Variants in NFRKB observed in about 807,000 individuals in gnomAD.
NFRKB encodes the protein nuclear factor related to kappaB binding protein.
A neutral mutation model predicts 135.7 loss-of-function variants in NFRKB; 62 were observed. The ratio of observed to expected loss-of-function variants is 0.46; its 90% CI spans 0.37 to 0.56. The LOEUF (loss-of-function observed/expected upper bound fraction) is 0.56. Ranked by LOEUF, NFRKB falls within the 20% of genes least tolerant of loss-of-function variation. The pLI is 0.00. For missense variants in NFRKB, 1,545 were observed against 1,662.0 expected (o/e 0.93, Z 1.22); for synonymous variants, 678 against 635.6 (o/e 1.07, Z -1.00).
intron 1 of NFRKB, among the ~76,000 whole-genome samples, chr11:129,895,238 G>A (rs1949719859): frequency 6.6e-6 from 1 of 152,150 alleles, no homozygotes; most frequent in Non-Finnish European, 1.5e-5. Context: ...CAACTCTGCA[G>A]CAAATTCCCC....
Position 129,888,664 on chromosome 11 carries a change from G to A in NFRKB, c.267C>T (p.Ile89=). The part of the protein sequence containing the change: ...EDSAEQQNEL[I]LALFSGENFR... ...AGTTCTCCCCACTGAACAAGGCTAA[G>A]ATGAGTTCATTCTGCTGCTCAGCAC... Residue 89 remains isoleucine (I), a synonymous_variant, in exon 4 of 27, where the codon ATC becomes ATT. Coordinates refer to ENST00000682444, the MANE Select transcript of NFRKB (RefSeq NM_001143835.2). 6.2e-7 allele frequency: 1 copy of A among 1,614,228 alleles called. No individual in the cohort carries two copies. The highest frequency in any genetic ancestry group is 1.3e-5 in the African/African-American group (1 of 75,070).
intron 23 of NFRKB, among the ~76,000 whole-genome samples, chr11:129,871,301 C>T (rs991789656): frequency 1.3e-5 from 2 of 152,148 alleles, no homozygotes; most frequent in African/African-American, 4.8e-5. Flanking sequence ...GTGGAACCCA[C>T]GAGTACAGAG....
intron 3 of NFRKB, among the ~76,000 whole-genome samples, chr11:129,889,812 T>G (rs1284366676): frequency 6.6e-6 from 1 of 151,292 alleles, no homozygotes; most frequent in Non-Finnish European, 1.5e-5. Flanking sequence ...AAAAAAAGAA[T>G]TAACACAAAA....
chr11:129,885,233 C>T (rs924822085), intron 6 of NFRKB, among the ~76,000 whole-genome samples: 1 of 152,190 alleles, frequency 6.6e-6, no homozygotes, highest in East Asian at 1.9e-4. Flanking sequence ...GTGAAAAAGG[C>T]CATGGAGTCA....
At chr11:129,879,674 C>G (rs1181821149) in intron 13 of NFRKB, among the ~76,000 whole-genome samples, 1 of 152,174 alleles carries the variant, frequency 6.6e-6, no homozygotes, top group Admixed American at 6.5e-5. Flanking sequence ...AACCCCTGCC[C>G]CCGCACTCTC....
intron 8 of NFRKB, among the ~76,000 whole-genome samples, 181 bp downstream of exon 8, chr11:129,883,889 C>A (rs1393533202): frequency 1.3e-5 from 2 of 152,156 alleles, no homozygotes; most frequent in Admixed American, 6.5e-5. Flanking sequence ...GCAGGCCCTG[C>A]GAAGTCAAAG....
chr11:129,893,138 A>T, intron 2 of NFRKB: 1 of 1,211,550 alleles, frequency 8.3e-7, no homozygotes, highest in Non-Finnish European at 1.1e-6. Flanking sequence ...CATTTTACAG[A>T]TGAGTAAAAT....
chr11:129,886,471 T>C lies in NFRKB; in HGVS notation c.338-27A>G, dbSNP rs1299244124. The stretch of plus-strand genomic sequence containing the variant: ...TTAAAAAAATAAAGGTATATATATT[T>C]ACATCAATCAACAAATATACATCAT... On this transcript the variant is annotated intron_variant, in intron 4 of 26. Coordinates refer to ENST00000682444, the MANE Select transcript of NFRKB (RefSeq NM_001143835.2). The C allele has an allele frequency of 2.5e-6, 4 of 1,605,876 alleles. No individual in the cohort carries two copies. The South Asian group carries it at 4.4e-5, about 18-fold the overall frequency.
At position 129,882,615 on chromosome 11, in the gene NFRKB, A is replaced by G; in HGVS notation, c.918T>C (p.Ala306=). 2 of 1,613,602 alleles carry G rather than the reference A, an allele frequency of 1.2e-6. No individual in the cohort carries two copies. The highest frequency in any genetic ancestry group is 1.7e-6 in the Non-Finnish European group (2 of 1,179,956). ...KGSLAALYDL[A]VLKKKVKEKE... ...TTTCCTTAACCTTTTTTTTAAGGAC[A>G]GCCAAGTCATATAAGGCTAGAAAGG... The change falls in exon 10 of 27, where the codon GCT becomes GCC. Residue 306 remains alanine, a synonymous_variant. Coordinates refer to ENST00000682444, the MANE Select transcript of NFRKB (RefSeq NM_001143835.2).
intron 24 of NFRKB, 69 bp downstream of exon 24, chr11:129,869,425 T>A (rs1948380985): frequency 1.0e-5 from 15 of 1,488,078 alleles, no homozygotes; most frequent in Non-Finnish European, 1.2e-5. Flanking sequence ...GTTTCTCGGG[T>A]AATGGGCAGT....
At chr11:129,869,241 G>C (rs1948371582) in intron 24 of NFRKB, among the ~76,000 whole-genome samples, 1 of 152,142 alleles carries the variant, frequency 6.6e-6, no homozygotes, top group South Asian at 2.1e-4. Flanking sequence ...ATGTATGCAA[G>C]TATCATACTT....
intron 24 of NFRKB, among the ~76,000 whole-genome samples, chr11:129,868,826 T>C (rs932600633): frequency 5.3e-5 from 8 of 152,120 alleles, no homozygotes; most frequent in African/African-American, 1.9e-4. Flanking sequence ...GTCAGGATTA[T>C]CGCGACCAGC....
At chr11:129,880,341 T>A (rs78365134) in intron 13 of NFRKB, among the ~76,000 whole-genome samples, 3,217 of 152,240 alleles carry the variant, frequency 0.021, 110 homozygotes, top group African/African-American at 0.074. Flanking sequence ...CCATTCTCCT[T>A]CATTCCCCAC....
chr11:129,885,356 G>C, intron 6 of NFRKB, 79 bp downstream of exon 6: 1 of 1,475,654 alleles, frequency 6.8e-7, no homozygotes. Flanking sequence ...GAGATAAATG[G>C]CTACCACTGG....
In NFRKB at chr11:129,870,269, G is replaced by A. The variant is rs1348939452; in HGVS notation, c.2764-8C>T. On this transcript the variant is annotated splice_region_variant and splice_polypyrimidine_tract_variant and intron_variant, in intron 23 of 26. Coordinates refer to ENST00000682444, the MANE Select transcript of NFRKB (RefSeq NM_001143835.2). Reference sequence around the variant, plus strand: ...CTGCCCAGTGATTGCCACCTGAATGGGGAGAAGCAGCACTGATGAGGGATT... The same window carrying A: ...CTGCCCAGTGATTGCCACCTGAATGAGGAGAAGCAGCACTGATGAGGGATT... The A allele has an allele frequency of 1.2e-6, 2 of 1,610,024 alleles. No individual in the cohort carries two copies. Among genetic ancestry groups the A allele is most frequent in the Non-Finnish European group, 1.7e-6 (2 of 1,177,018 alleles).
intron 17 of NFRKB, 144 bp from the exon 18 acceptor site, chr11:129,875,607 C>T (rs1422281515): frequency 1.7e-6 from 1 of 581,450 alleles, no homozygotes; most frequent in Admixed American, 3.1e-5. Context: ...TGCACTCTGC[C>T]CTCCAGCAGC....
rs530737903 is a variant in NFRKB, at chr11:129,869,665, C to A, written c.3360G>T (p.Gly1120=). The A allele has an allele frequency of 6.2e-7, 1 of 1,614,060 alleles. No individual in the cohort carries two copies. The highest frequency in any genetic ancestry group is 1.3e-5 in the African/African-American group (1 of 74,908). Reference sequence around the variant, plus strand: ...CCGCTGAAGTATGGACAGTTCCAGACCCACTGGCCACCGAGGCCCCTTGCT... The same window carrying A: ...CCGCTGAAGTATGGACAGTTCCAGAACCACTGGCCACCGAGGCCCCTTGCT... The part of the protein sequence containing the change: ...HAKQGASVAS[G]SGTVHTSAVS... Residue 1120 remains glycine, a synonymous_variant, in exon 24 of 27, where the codon GGG becomes GGT. Coordinates refer to ENST00000682444, the MANE Select transcript of NFRKB (RefSeq NM_001143835.2).
At chr11:129,879,680 C>T (rs887408182) in intron 13 of NFRKB, among the ~76,000 whole-genome samples, 1 of 152,224 alleles carries the variant, frequency 6.6e-6, no homozygotes, top group African/African-American at 2.4e-5. Flanking sequence ...TGCCCCCGCA[C>T]TCTCATGCTG....
chr11:129,865,166 G>A, intron 25 of NFRKB, 65 bp from the exon 26 acceptor site: 3 of 1,563,460 alleles, frequency 1.9e-6, no homozygotes, highest in Non-Finnish European at 2.6e-6. Flanking sequence ...CCAGATTTAG[G>A]CCATGTATTG....
Sources: allele counts gnomAD v4.1 joint callset (sites outside exome capture counted in the v4.1 genomes callset), GRCh38; gene constraint gnomAD v4.1.1; transcripts MANE v1.5; gene names NCBI Gene and HGNC (gene_info 2026-07-23, HGNC 2026-07-21).